SCHIP1: variants seen among roughly 807,000 people sequenced by gnomAD.
SCHIP1 encodes schwannomin interacting protein 1.
In SCHIP1, 8 loss-of-function variants were observed where a neutral mutation model predicts 29.7. That is an observed-to-expected ratio of 0.27 (90% confidence interval 0.16 to 0.49). The LOEUF is 0.49. Ranked by LOEUF, SCHIP1 falls within the 20% of genes least tolerant of loss-of-function variation. SCHIP1 has a pLI of 0.99. For synonymous variants in SCHIP1, 76 were observed against 94.9 expected (o/e 0.80, Z 1.16); for missense variants, 193 against 294.6 (o/e 0.66, Z 2.52).
the SCHIP1 span, among the ~76,000 whole-genome samples, chr3:159,525,585 C>G: frequency 6.6e-6 from 1 of 152,172 alleles, no homozygotes; most frequent in African/African-American, 2.4e-5. Flanking sequence ...ATTGAGAGAG[C>G]ACCATTCAGC....
chr3:159,522,286 T>C, the SCHIP1 span, among the ~76,000 whole-genome samples: 2 of 152,216 alleles, frequency 1.3e-5, no homozygotes, highest in African/African-American at 2.4e-5. Flanking sequence ...CCTAAGGTTG[T>C]ATTTTAGTAA....
intron 2 of SCHIP1, among the ~76,000 whole-genome samples, chr3:159,870,493 C>T (rs1041535900): frequency 1.3e-5 from 2 of 151,922 alleles, no homozygotes; most frequent in African/African-American, 4.8e-5. Context: ...AGTACAATTT[C>T]ACTCTGTTAA....
chr3:159,398,929 A>G, the SCHIP1 span: 1 of 982,014 alleles, frequency 1.0e-6, no homozygotes, highest in Non-Finnish European at 1.2e-6. Flanking sequence ...CAGAACTTAA[A>G]TTTGTAGAGG....
the SCHIP1 span, among the ~76,000 whole-genome samples, chr3:159,426,972 C>A: frequency 2.0e-5 from 3 of 152,122 alleles, no homozygotes; most frequent in South Asian, 2.1e-4. Context: ...AGGCCTTTGA[C>A]AAAATTCAAC....
the SCHIP1 span, among the ~76,000 whole-genome samples, chr3:159,381,888 G>A: frequency 2.6e-5 from 4 of 152,156 alleles, no homozygotes; most frequent in Non-Finnish European, 5.9e-5. Flanking sequence ...GTGAGCCACT[G>A]TGTCCAGCCA....
chr3:159,328,042 A>G, the SCHIP1 span, among the ~76,000 whole-genome samples: 3 of 152,328 alleles, frequency 2.0e-5, no homozygotes, highest in African/African-American at 7.2e-5. Flanking sequence ...ACTAATACCT[A>G]CTATGTCCCA....
chr3:159,553,312 T>C, the SCHIP1 span, among the ~76,000 whole-genome samples: 2 of 151,584 alleles, frequency 1.3e-5, no homozygotes, highest in Non-Finnish European at 2.9e-5. Context: ...CCCATTTGTT[T>C]TATGAGGGGT....
At chr3:159,684,582 G>C in the SCHIP1 span, among the ~76,000 whole-genome samples, 2 of 151,928 alleles carry the variant, frequency 1.3e-5, no homozygotes, top group Non-Finnish European at 2.9e-5. Flanking sequence ...AAGGTGGGTG[G>C]ATCACGAGGT....
chr3:159,734,811 T>C, the SCHIP1 span, among the ~76,000 whole-genome samples: 1 of 134,930 alleles, frequency 7.4e-6, no homozygotes, highest in Non-Finnish European at 1.5e-5. Context: ...TTTTTTTTTC[T>C]ATTGCCTGGG....
the SCHIP1 span, chr3:159,765,038 C>T: frequency 1.3e-6 from 2 of 1,551,348 alleles, no homozygotes; most frequent in African/African-American, 2.8e-5. Flanking sequence ...CCCCCGGTGC[C>T]ACCTATGGAT....
At chr3:159,746,273 C>G in the SCHIP1 span, among the ~76,000 whole-genome samples, 1 of 152,186 alleles carries the variant, frequency 6.6e-6, no homozygotes, top group Non-Finnish European at 1.5e-5. Flanking sequence ...TATCAGTGGT[C>G]CAGCCATTTC....
At chr3:159,359,854 T>C in the SCHIP1 span, among the ~76,000 whole-genome samples, 1 of 152,140 alleles carries the variant, frequency 6.6e-6, no homozygotes, top group African/African-American at 2.4e-5. Context: ...AATACCTGAG[T>C]AGGCAAGTCT....
the SCHIP1 span, among the ~76,000 whole-genome samples, chr3:159,440,465 C>T: frequency 3.1e-4 from 47 of 152,202 alleles, 1 homozygote; most frequent in South Asian, 3.5e-3. Flanking sequence ...TCTGCAGACT[C>T]CAAGATTTAC....
chr3:159,685,061 T>C, the SCHIP1 span, among the ~76,000 whole-genome samples: 1 of 152,168 alleles, frequency 6.6e-6, no homozygotes, highest in Non-Finnish European at 1.5e-5. Flanking sequence ...CTCAGTTATT[T>C]ATTTCATTTA....
At chr3:159,553,184 A>ATT in the SCHIP1 span, among the ~76,000 whole-genome samples, 1 of 151,904 alleles carries the variant, frequency 6.6e-6, no homozygotes, top group Non-Finnish European at 1.5e-5. Flanking sequence ...ATTTAGCCAG[A>ATT]TTTTGAAAGC....
chr3:159,334,736 T>C, the SCHIP1 span, among the ~76,000 whole-genome samples: 1 of 152,172 alleles, frequency 6.6e-6, no homozygotes, highest in Non-Finnish European at 1.5e-5. Context: ...CTTTATATTG[T>C]CGTATTCCAT....
At chr3:159,850,322 G>A (rs1162919456) in intron 1 of SCHIP1, among the ~76,000 whole-genome samples, 1 of 152,136 alleles carries the variant, frequency 6.6e-6, no homozygotes, top group Non-Finnish European at 1.5e-5. Flanking sequence ...GGGAGGCCAA[G>A]GCGGGTGGAT....
At chr3:159,640,031 A>G in the SCHIP1 span, among the ~76,000 whole-genome samples, 53 of 152,308 alleles carry the variant, frequency 3.5e-4, no homozygotes, top group East Asian at 5.2e-3. Flanking sequence ...GTACAAAGCA[A>G]GTATCTTATC....
At chr3:159,828,527 G>T in the SCHIP1 span, among the ~76,000 whole-genome samples, 3 of 149,202 alleles carry the variant, frequency 2.0e-5, no homozygotes, top group African/African-American at 7.4e-5. Flanking sequence ...TTATATTACA[G>T]TTATTAAAGG....
Sources: gnomAD v4.1 joint callset for allele counts (sites outside exome capture counted in the v4.1 genomes callset) on GRCh38, gnomAD v4.1.1 for gene constraint, MANE v1.5 for transcripts, NCBI Gene and HGNC (gene_info 2026-07-23, HGNC 2026-07-21) for gene names.